PLXNA1: variants seen among roughly 807,000 people sequenced by gnomAD.
PLXNA1 encodes the protein plexin A1, also known as plexin-A1.
A neutral mutation model predicts 191.7 loss-of-function variants in PLXNA1; 77 were observed. The ratio of observed to expected loss-of-function variants is 0.40; its 90% CI spans 0.33 to 0.49. The LOEUF is 0.49. Among genes scored for constraint, PLXNA1 ranks in the 20% least tolerant of loss-of-function variants. PLXNA1 has a pLI of 0.63. For missense variants in PLXNA1, 2,110 were observed against 2,660.2 expected (o/e 0.79, Z 4.55); for synonymous variants, 1,137 against 1,156.4 (o/e 0.98, Z 0.34).
intron 3 of PLXNA1, among the ~76,000 whole-genome samples, 164 bp downstream of exon 3, chr3:126,991,730 A>C (rs979094440): frequency 6.5e-4 from 99 of 152,178 alleles, no homozygotes; most frequent in African/African-American, 2.3e-3. Flanking sequence ...AGTGACCTTG[A>C]AGGGCCCCAC....
intron 4 of PLXNA1, 73 bp from the exon 5 acceptor site, chr3:127,004,538 G>C: frequency 9.8e-7 from 1 of 1,015,788 alleles, no homozygotes. Context: ...GAGCAGAGTA[G>C]GGAGTCAGAG....
chr3:126,983,277 C>T lies in PLXNA1; in HGVS notation c.-84C>T, dbSNP rs1477338269. Among the ~76,000 whole-genome samples, 1 of 142,156 alleles carries T rather than the reference C, an allele frequency of 7.0e-6. No homozygotes were observed. Among genetic ancestry groups the T allele is most frequent in the African/African-American group, 2.5e-5 (1 of 39,468 alleles). 93.3% of individuals were successfully genotyped at this position (142,156 alleles called of 152,430 possible). A position where few individuals can be genotyped will look rare whatever the true frequency, so the allele number is the denominator to read the frequency against. On this transcript the variant is annotated 5_prime_UTR_variant, in exon 1 of 32. Coordinates refer to ENST00000393409, the MANE Select transcript of PLXNA1 (RefSeq NM_032242.4). ...CGATGGCCGGCGGCGGGGCGCGCCC[C>T]GGGGCGGCGGGTGAGTCGGGGCGCA...
At chr3:127,016,234 G>A (rs1441123260) in intron 15 of PLXNA1, among the ~76,000 whole-genome samples, 1 of 152,060 alleles carries the variant, frequency 6.6e-6, no homozygotes, top group Non-Finnish European at 1.5e-5. Context: ...GAGTGGGTGT[G>A]GGCGACAGGG....
chr3:126,993,916 G>C (rs752836178), intron 3 of PLXNA1, among the ~76,000 whole-genome samples: 10 of 152,204 alleles, frequency 6.6e-5, no homozygotes, highest in Non-Finnish European at 1.3e-4. Context: ...GAACCTCAAC[G>C]TCATGCAAAT....
At chr3:126,983,497 C>T (rs1372556029) in intron 1 of PLXNA1, among the ~76,000 whole-genome samples, 1 of 146,338 alleles carries the variant, frequency 6.8e-6, no homozygotes, top group East Asian at 2.0e-4. Flanking sequence ...GTCCCTGCGG[C>T]TCCGGCCCAG....
Position 127,004,929 on chromosome 3 carries a change from G to A in PLXNA1, c.1664G>A (p.Arg555His), listed in dbSNP as rs768279070. ...TGTGAGCGAGCAGACGAGCCCCAGC[G>A]CTTTGCTGCGGACCTGCTGCAGTGT... ...DACERADEPQ[R>H]FAADLLQCVQ... Residue 555 changes from arginine to histidine, a missense_variant, in exon 6 of 32, where the codon CGC becomes CAC. Physicochemically the swap from Arg to His is conservative, Grantham distance 29. Around this residue, in one of 4 missense-constraint regions of PLXNA1, gnomAD observed 903 missense variants for 1,015.7 expected, o/e 0.89. Coordinates refer to ENST00000393409, the MANE Select transcript of PLXNA1 (RefSeq NM_032242.4). 24 of 1,608,490 alleles carry A rather than the reference G, an allele frequency of 1.5e-5. No homozygotes were observed. In the Middle Eastern group the frequency reaches 8.2e-4, roughly 55 times the overall value.
At chr3:126,991,684 C>T (rs976585206) in intron 3 of PLXNA1, 118 bp downstream of exon 3, 40 of 1,084,928 alleles carry the variant, frequency 3.7e-5, no homozygotes, top group Non-Finnish European at 4.9e-5. Context: ...ATCTGGCGTA[C>T]AGGGGGCAGG....
rs1236498116 is a variant in PLXNA1, at chr3:127,007,786, C to G, written c.1998-13C>G. The G allele has an allele frequency of 6.3e-7, 1 of 1,592,596 alleles. No homozygotes were observed. Among genetic ancestry groups the G allele is most frequent in the Non-Finnish European group, 8.6e-7 (1 of 1,162,820 alleles). ...CGGGTCCCCAGGCTTCAGCACCCAC[C>G]CTCTCCCTGCAGCTGCCTGTCCTGT... On this transcript the variant is annotated splice_polypyrimidine_tract_variant and intron_variant, in intron 8 of 31. Transcript: ENST00000393409.
At position 127,017,848 on chromosome 3, in the gene PLXNA1, C is replaced by CTGCTG. The variant is rs1211168598; in HGVS notation, c.3620_3624dup (p.Glu1209CysfsTer35). On this transcript the variant is annotated frameshift_variant, in exon 19 of 32. Coordinates refer to ENST00000393409, the MANE Select transcript of PLXNA1 (RefSeq NM_032242.4). LOFTEE classifies it high-confidence loss of function. ...TACCCTCACCGTGTCGGAGACGCAA[C>CTGCTG]TGCTGTGCGAGGCGCCCAACCTCAC... 6.2e-7 allele frequency: 1 copy of CTGCTG among 1,612,912 alleles called. No individual in the cohort carries two copies.
chr3:127,032,360 G>C, intron 29 of PLXNA1, 27 bp from the exon 30 acceptor site: 5 of 1,609,034 alleles, frequency 3.1e-6, no homozygotes, highest in Non-Finnish European at 4.2e-6. Flanking sequence ...AGGCCTATCT[G>C]AGCAGCGCCT....
In PLXNA1 at chr3:127,011,966, A is replaced by G. The variant is rs2079097862; in HGVS notation, c.2121A>G (p.Pro707=). The change falls in exon 10 of 32, where the codon CCA becomes CCG. Residue 707 remains proline, a synonymous_variant. Transcript: ENST00000393409. The part of the protein sequence containing the change: ...EGRVNVSEDC[P]QILPSTQIYV... ...ACTCTTCTTATCCCCAGGACTGCCCACAGATCCTGCCCTCCACGCAGATCT... is the reference window on the plus strand; with the variant it reads ...ACTCTTCTTATCCCCAGGACTGCCCGCAGATCCTGCCCTCCACGCAGATCT... 4 of 1,613,040 alleles carry G rather than the reference A, an allele frequency of 2.5e-6. No homozygotes were observed. In the East Asian group the frequency reaches 8.9e-5, roughly 36 times the overall value.
At chr3:126,983,622 G>C (rs896735609) in intron 1 of PLXNA1, among the ~76,000 whole-genome samples, 1 of 148,534 alleles carries the variant, frequency 6.7e-6, no homozygotes, top group Non-Finnish European at 1.5e-5. Flanking sequence ...CCCGCCCCCC[G>C]GCCGGGCCCG....
Position 127,018,312 on chromosome 3 carries a change from G to C in PLXNA1, c.3679G>C (p.Glu1227Gln). ...HKVTVRAGGF[E>Q]FSPGTLQVYS... ...CTGGCAGGTGCGGGCAGGTGGCTTC[G>C]AGTTCTCGCCAGGGACACTGCAGGT... The change falls in exon 20 of 32, where the codon GAG (glutamate) becomes CAG (glutamine). Residue 1227 changes from glutamate to glutamine, a missense_variant. Around this residue, in one of 4 missense-constraint regions of PLXNA1, gnomAD observed 644 missense variants for 714.3 expected, o/e 0.90. Coordinates refer to ENST00000393409, the MANE Select transcript of PLXNA1 (RefSeq NM_032242.4). The C allele has an allele frequency of 6.2e-7, 1 of 1,606,536 alleles. No homozygotes were observed. The highest frequency in any genetic ancestry group is 8.5e-7 in the Non-Finnish European group (1 of 1,176,570).
At chr3:126,995,298 C>G (rs991168403) in intron 3 of PLXNA1, among the ~76,000 whole-genome samples, 1 of 152,146 alleles carries the variant, frequency 6.6e-6, no homozygotes, top group African/African-American at 2.4e-5. Context: ...GCGCCCTGCT[C>G]CCAGCTCCTC....
rs138025853 is a variant in PLXNA1, at chr3:127,024,838, A to G, written c.4362+2020A>G. Among the ~76,000 whole-genome samples, 374 of 152,238 alleles carry G rather than the reference A, an allele frequency of 2.5e-3. 2 individuals are homozygous for G. The highest frequency in any genetic ancestry group is 3.8e-3 in the Non-Finnish European group (259 of 67,994). ...TGGGCCTAGGGCTGTTTCCATCCACATAACTGGCCAGTGACTTTTTGTTTT... is the reference window on the plus strand; with the variant it reads ...TGGGCCTAGGGCTGTTTCCATCCACGTAACTGGCCAGTGACTTTTTGTTTT... On this transcript the variant is annotated intron_variant, in intron 23 of 31. Transcript: ENST00000393409.
intron 29 of PLXNA1, 145 bp from the exon 30 acceptor site, chr3:127,032,242 T>C: frequency 1.3e-6 from 1 of 756,004 alleles, no homozygotes; most frequent in Non-Finnish European, 2.1e-6. Context: ...CACTTAACCA[T>C]GGGCCCTGCA....
rs757076680 is a variant in PLXNA1, at chr3:127,027,927, G to A, written c.4363-13G>A. 5.0e-6 allele frequency: 8 copies of A among 1,612,852 alleles called. No homozygotes were observed. Among genetic ancestry groups the A allele is most frequent in the East Asian group, 2.2e-5 (1 of 44,830 alleles). The stretch of plus-strand genomic sequence containing the variant: ...GGGGTCCTGGCTGCAGCCTCATGCC[G>A]CCACCCCCGCAGGAGTGCGCTGGGG... On this transcript the variant is annotated splice_polypyrimidine_tract_variant and intron_variant, in intron 23 of 31. Coordinates refer to ENST00000393409, the MANE Select transcript of PLXNA1 (RefSeq NM_032242.4).
At position 126,988,774 on chromosome 3, in the gene PLXNA1, G is replaced by A; in HGVS notation, c.181G>A (p.Gly61Ser). ...LTHLVVHEQT[G>S]EVYVGAVNRI... is the part of the protein sequence containing the mutation. ...CCACCTAGTGGTGCATGAGCAGACA[G>A]GCGAGGTGTATGTGGGCGCAGTGAA... Residue 61 changes from glycine (G) to serine (S), a missense_variant, in exon 2 of 32, where the codon GGC (glycine) becomes AGC (serine). This residue lies in a region of PLXNA1 where 903 missense variants were observed against 1,015.7 expected (regional missense o/e 0.89). Coordinates refer to ENST00000393409, the MANE Select transcript of PLXNA1 (RefSeq NM_032242.4). 6.2e-7 allele frequency: 1 copy of A among 1,606,500 alleles called. No homozygotes were observed. The highest frequency in any genetic ancestry group is 8.5e-7 in the Non-Finnish European group (1 of 1,175,688).
At chr3:127,016,920 C>G (rs1458592232) in intron 16 of PLXNA1, 24 bp from the exon 17 acceptor site, 1 of 1,588,082 alleles carries the variant, frequency 6.3e-7, no homozygotes, top group Non-Finnish European at 8.6e-7. Context: ...ATTTGGTGAC[C>G]CCCCCACCCC....
Sources: gnomAD v4.1 joint callset for allele counts (sites outside exome capture counted in the v4.1 genomes callset) on GRCh38, gnomAD v4.1.1 for gene constraint, gnomAD v4.1.1 regional missense constraint, MANE v1.5 for transcripts, NCBI Gene and HGNC (gene_info 2026-07-23, HGNC 2026-07-21) for gene names.